NKAIN3: variants seen among roughly 807,000 people sequenced by gnomAD.
The protein encoded by NKAIN3 is sodium/potassium-transporting ATPase subunit beta-1-interacting protein 3.
A neutral mutation model predicts 30.2 loss-of-function variants in NKAIN3; 25 were observed. The observed-to-expected ratio is 0.83, with a 90% CI of 0.60 to 1.16. The LOEUF (loss-of-function observed/expected upper bound fraction) is 1.16. Ranked by LOEUF, NKAIN3 falls within the 50% of genes most tolerant of loss-of-function variation. The pLI is 0.00. For synonymous variants in NKAIN3, 91 were observed against 89.6 expected, an observed-to-expected ratio of 1.02 and a Z score of -0.09; for missense variants, 225 against 254.1, an observed-to-expected ratio of 0.89 and a Z score of 0.78.
At chr8:62,427,291 C>T (rs1330676418) in intron 1 of NKAIN3, among the ~76,000 whole-genome samples, 3 of 151,932 alleles carry the variant, frequency 2.0e-5, no homozygotes, top group Non-Finnish European at 4.4e-5. Flanking sequence ...TTCTGGACTT[C>T]TCCATGTGTT....
chr8:62,913,014 A>T (rs1303373607), intron 4 of NKAIN3, among the ~76,000 whole-genome samples: 1 of 152,168 alleles, frequency 6.6e-6, no homozygotes, highest in African/African-American at 2.4e-5. Context: ...TGTCTTCTCC[A>T]TCCACATCCT....
At chr8:62,670,809 G>A (rs1009725356) in intron 3 of NKAIN3, among the ~76,000 whole-genome samples, 1 of 151,410 alleles carries the variant, frequency 6.6e-6, no homozygotes, top group African/African-American at 2.4e-5. Context: ...AATCCCTGTG[G>A]TATGGGGGTC....
chr8:62,933,425 G>A (rs1048139915), intron 5 of NKAIN3, among the ~76,000 whole-genome samples: 3 of 151,430 alleles, frequency 2.0e-5, no homozygotes, highest in Non-Finnish European at 4.4e-5. Flanking sequence ...AAATAAGAAT[G>A]ATTAAAAAAT....
At chr8:62,920,453 AG>A (rs1170415058) in intron 5 of NKAIN3, among the ~76,000 whole-genome samples, 6 of 152,336 alleles carry the variant, frequency 3.9e-5, no homozygotes, top group African/African-American at 1.4e-4. Context: ...GTTTAAGCAA[AG>A]CTGGGAAATG....
intron 1 of NKAIN3, among the ~76,000 whole-genome samples, chr8:62,576,298 G>A (rs905022938): frequency 1.3e-5 from 2 of 152,118 alleles, no homozygotes; most frequent in Non-Finnish European, 2.9e-5. Context: ...CAGAAAATGA[G>A]CAAAAGATGC....
At chr8:62,862,366 A>T (rs1820275367) in intron 4 of NKAIN3, among the ~76,000 whole-genome samples, 2 of 152,174 alleles carry the variant, frequency 1.3e-5, no homozygotes, top group Non-Finnish European at 2.9e-5. Flanking sequence ...TCACATAGAA[A>T]ATCATGATTA....
chr8:62,409,293 T>C (rs1160630958), intron 1 of NKAIN3, among the ~76,000 whole-genome samples: 1 of 152,196 alleles, frequency 6.6e-6, no homozygotes, highest in East Asian at 1.9e-4. Flanking sequence ...AAAGCAGTTC[T>C]CCTTCCTCAG....
chr8:62,366,740 G>T lies in NKAIN3; in HGVS notation c.54+117613G>T, dbSNP rs556747634. ...TTTTTCTTTCCTCGTACTAACTTTGGATTGAGTTTGTTTTTTTTCTTGTTC... is the reference window on the plus strand; with the variant it reads ...TTTTTCTTTCCTCGTACTAACTTTGTATTGAGTTTGTTTTTTTTCTTGTTC... On this transcript the variant is annotated intron_variant, in intron 1 of 6. Transcript: ENST00000623646. Among the ~76,000 whole-genome samples, 23 of 151,876 alleles carry T rather than the reference G, an allele frequency of 1.5e-4. No individual in the cohort carries two copies. The East Asian group carries it at 4.3e-3, about 28-fold the overall frequency.
chr8:62,804,691 A>G (rs1278606482), intron 4 of NKAIN3, among the ~76,000 whole-genome samples: 1 of 152,224 alleles, frequency 6.6e-6, no homozygotes, highest in Non-Finnish European at 1.5e-5. Flanking sequence ...CACAGCCAAT[A>G]TCATACTGAA....
At chr8:62,354,773 C>T (rs1816293290) in intron 1 of NKAIN3, among the ~76,000 whole-genome samples, 2 of 152,108 alleles carry the variant, frequency 1.3e-5, no homozygotes, top group African/African-American at 4.8e-5. Flanking sequence ...ATGACAATAA[C>T]CAATGTATCA....
chr8:62,593,498 G>T (rs1254580157), intron 3 of NKAIN3, among the ~76,000 whole-genome samples: 2 of 151,846 alleles, frequency 1.3e-5, no homozygotes, highest in Non-Finnish European at 2.9e-5. Flanking sequence ...CTCATAGTTG[G>T]TTCTTTGAAA....
At chr8:62,768,757 G>T (rs1048510406) in intron 4 of NKAIN3, among the ~76,000 whole-genome samples, 2 of 152,118 alleles carry the variant, frequency 1.3e-5, no homozygotes, top group African/African-American at 4.8e-5. Context: ...TGTCTTTAAA[G>T]AAATACCAAT....
chr8:62,444,988 C>T (rs1383612512), intron 1 of NKAIN3, among the ~76,000 whole-genome samples: 1 of 152,086 alleles, frequency 6.6e-6, no homozygotes, highest in Middle Eastern at 3.2e-3. Flanking sequence ...GCTCTGTCAC[C>T]AGGCTGGAGT....
intron 3 of NKAIN3, among the ~76,000 whole-genome samples, chr8:62,675,384 A>G (rs1813442534): frequency 6.6e-6 from 1 of 152,230 alleles, no homozygotes; most frequent in Non-Finnish European, 1.5e-5. Flanking sequence ...TTGCAAATCA[A>G]AGTTAATGCT....
intron 4 of NKAIN3, among the ~76,000 whole-genome samples, chr8:62,778,449 C>T (rs898110678): frequency 2.6e-5 from 4 of 152,064 alleles, no homozygotes; most frequent in African/African-American, 9.7e-5. Context: ...CTCCCCTTTC[C>T]GCAAGCAGAG....
intron 1 of NKAIN3, among the ~76,000 whole-genome samples, chr8:62,399,723 A>G (rs1444346172): frequency 6.6e-6 from 1 of 152,218 alleles, no homozygotes; most frequent in Non-Finnish European, 1.5e-5. Flanking sequence ...TGCCTGGTGC[A>G]TAGTCAGCTC....
chr8:62,357,907 A>C (rs186515432), intron 1 of NKAIN3, among the ~76,000 whole-genome samples: 2 of 152,356 alleles, frequency 1.3e-5, no homozygotes, highest in Admixed American at 6.5e-5. Context: ...ATAACATATC[A>C]CCTTATCTTT....
intron 1 of NKAIN3, among the ~76,000 whole-genome samples, chr8:62,407,297 A>G (rs1804102176): frequency 6.6e-6 from 1 of 151,520 alleles, no homozygotes; most frequent in Non-Finnish European, 1.5e-5. Flanking sequence ...GTATATATAT[A>G]TATACTTGCA....
At chr8:62,634,144 G>A (rs542514404) in intron 3 of NKAIN3, among the ~76,000 whole-genome samples, 6 of 151,776 alleles carry the variant, frequency 4.0e-5, no homozygotes, top group Non-Finnish European at 8.8e-5. Flanking sequence ...CTTAAAACTT[G>A]AGAAACTTAC....
Sources: allele counts gnomAD v4.1 joint callset (sites outside exome capture counted in the v4.1 genomes callset), GRCh38; gene constraint gnomAD v4.1.1; transcripts MANE v1.5; gene names NCBI Gene and HGNC (gene_info 2026-07-23, HGNC 2026-07-21).